The following HNF1B variants were observed in gnomAD, a reference collection of about 807,000 sequenced individuals.
The protein encoded by HNF1B is HNF1 homeobox B.
In HNF1B, 8 loss-of-function variants were observed where a neutral mutation model predicts 61.7. That is an observed-to-expected ratio of 0.13 (90% CI 0.08 to 0.23). HNF1B has a LOEUF of 0.23. Ranked by LOEUF, HNF1B falls within the 10% of genes least tolerant of loss-of-function variation. HNF1B has a pLI of 1.00. For synonymous variants in HNF1B, 314 were observed against 287.7 expected (o/e 1.09, Z -0.93); for missense variants, 562 against 714.5 (o/e 0.79, Z 2.43).
At position 37,714,113 on chromosome 17, in the gene HNF1B, CCTTA is replaced by C. The variant is rs1336125086; in HGVS notation, c.1046-3454_1046-3451del. Among the ~76,000 whole-genome samples the C allele has an allele frequency of 3.3e-5, 5 of 152,286 alleles. No homozygotes were observed. In the East Asian group the frequency reaches 9.6e-4, roughly 29 times the overall value. On this transcript the variant is annotated intron_variant, in intron 4 of 8. Coordinates refer to ENST00000617811, the MANE Select transcript of HNF1B (RefSeq NM_000458.4). Reference sequence around the variant, plus strand: ...TACTTAACCTCCCTGAGCTTCAGTTCCTTACTGTTAACAATATCCATCTGTCAGG... The same window carrying C: ...TACTTAACCTCCCTGAGCTTCAGTTCCTGTTAACAATATCCATCTGTCAGG...
At chr17:37,727,993 T>G (rs2033558716) in intron 4 of HNF1B, among the ~76,000 whole-genome samples, 1 of 151,956 alleles carries the variant, frequency 6.6e-6, no homozygotes, top group Non-Finnish European at 1.5e-5. Flanking sequence ...GGAGTTTTTT[T>G]TGTTGTTTTT....
At chr17:37,701,202 A>G in intron 6 of HNF1B, 25 bp from the exon 7 acceptor site, 1 of 1,546,548 alleles carries the variant, frequency 6.5e-7, no homozygotes, top group Non-Finnish European at 8.7e-7. Flanking sequence ...GGAAAAGATC[A>G]CAGACAGCTC....
chr17:37,695,265 G>C (rs974607262), intron 8 of HNF1B, among the ~76,000 whole-genome samples: 3 of 152,230 alleles, frequency 2.0e-5, no homozygotes, highest in Non-Finnish European at 2.9e-5. Flanking sequence ...AGAGGGTGCA[G>C]TCTGTAAGCT....
chr17:37,742,612 G>A (rs1018518872), intron 1 of HNF1B, among the ~76,000 whole-genome samples: 1 of 152,128 alleles, frequency 6.6e-6, no homozygotes, highest in Non-Finnish European at 1.5e-5. Context: ...AAAGCCTCCA[G>A]GTCTGTCCCG....
intron 4 of HNF1B, among the ~76,000 whole-genome samples, chr17:37,720,381 C>CT (rs2033270134): frequency 6.6e-6 from 1 of 152,074 alleles, no homozygotes; most frequent in Admixed American, 6.5e-5. Flanking sequence ...ATGATACGTT[C>CT]TTTGAAAACT....
At chr17:37,718,914 T>C (rs2033213683) in intron 4 of HNF1B, among the ~76,000 whole-genome samples, 1 of 152,192 alleles carries the variant, frequency 6.6e-6, no homozygotes, top group Admixed American at 6.5e-5. Context: ...CTGGAGTATG[T>C]CCATTTATCC....
chr17:37,710,474 C>G (rs776407508), intron 5 of HNF1B, 29 bp downstream of exon 5: 4 of 1,613,740 alleles, frequency 2.5e-6, no homozygotes. Flanking sequence ...TTATCAGCTC[C>G]AGAGCGACAA....
In HNF1B at chr17:37,739,418, G is replaced by C. The variant is rs371632689; in HGVS notation, c.544+22C>G. 153 of 1,611,628 alleles carry C rather than the reference G, an allele frequency of 9.5e-5. No individual in the cohort carries two copies. In the African/African-American group the frequency reaches 1.7e-3, roughly 18 times the overall value. Reference sequence around the variant, plus strand: ...GCAAAGGTCACTTCAGGTTGAGGCAGAGGCAGGATGAAAACACTTACGTCG... The same window carrying C: ...GCAAAGGTCACTTCAGGTTGAGGCACAGGCAGGATGAAAACACTTACGTCG... On this transcript the variant is annotated intron_variant, in intron 2 of 8. Coordinates refer to ENST00000617811, the MANE Select transcript of HNF1B (RefSeq NM_000458.4).
rs2032896609 is a variant in HNF1B, at chr17:37,710,504, A to C, written c.1205T>G (p.Met402Arg). 6.2e-7 allele frequency: 1 copy of C among 1,614,026 alleles called. No individual in the cohort carries two copies. The highest frequency in any genetic ancestry group is 8.5e-7 in the Non-Finnish European group (1 of 1,180,008). ...CGACAATGGCCCAGGTGTACTCACC[A>C]TTTTACCATCAGGTGAGAGGAGATT... ...GHNLLSPDGKMISVSGGGLPP... is the reference protein window; with the variant it reads ...GHNLLSPDGKRISVSGGGLPP... Residue 402 changes from methionine (M) to arginine (R), a missense_variant and splice_region_variant, in exon 5 of 9, where the codon ATG (methionine) becomes AGG (arginine). Transcript: ENST00000617811.
intron 4 of HNF1B, among the ~76,000 whole-genome samples, chr17:37,723,770 C>T (rs1407751160): frequency 6.6e-6 from 1 of 152,144 alleles, no homozygotes; most frequent in Non-Finnish European, 1.5e-5. Flanking sequence ...AAACAACCCC[C>T]AAGTCTCTGC....
intron 8 of HNF1B, among the ~76,000 whole-genome samples, chr17:37,688,461 A>AT (rs1484055965): frequency 3.3e-5 from 5 of 151,266 alleles, no homozygotes; most frequent in African/African-American, 1.2e-4. Context: ...CTGTTATCGC[A>AT]TTGATCAGTG....
At chr17:37,724,914 GT>G (rs2033443569) in intron 4 of HNF1B, among the ~76,000 whole-genome samples, 1 of 132,612 alleles carries the variant, frequency 7.5e-6, no homozygotes, top group Non-Finnish European at 1.6e-5. Flanking sequence ...GTGTGTGTGT[GT>G]GTGTGTGTGT....
At chr17:37,695,447 G>A (rs2032352425) in intron 8 of HNF1B, among the ~76,000 whole-genome samples, 1 of 152,272 alleles carries the variant, frequency 6.6e-6, no homozygotes, top group South Asian at 2.1e-4. Context: ...GGGCAGTGCT[G>A]AGGGGAAATG....
chr17:37,742,917 C>T (rs943737817), intron 1 of HNF1B, among the ~76,000 whole-genome samples: 2 of 151,688 alleles, frequency 1.3e-5, no homozygotes, highest in Admixed American at 6.6e-5. Flanking sequence ...TGATCTCCTT[C>T]CCCCCTCTAA....
intron 4 of HNF1B, among the ~76,000 whole-genome samples, chr17:37,727,003 C>A (rs2033521539): frequency 6.6e-6 from 1 of 152,118 alleles, no homozygotes; most frequent in Non-Finnish European, 1.5e-5. Context: ...GAGCTTGCTG[C>A]CGACTAGAGC....
intron 4 of HNF1B, among the ~76,000 whole-genome samples, chr17:37,725,895 C>G (rs918432384): frequency 6.6e-6 from 1 of 152,240 alleles, no homozygotes; most frequent in Non-Finnish European, 1.5e-5. Flanking sequence ...GTGCCGACTG[C>G]AAGGGCAGTT....
intron 2 of HNF1B, 56 bp from the exon 3 acceptor site, chr17:37,733,877 G>C (rs2033761174): frequency 6.6e-7 from 1 of 1,510,538 alleles, no homozygotes; most frequent in Admixed American, 1.7e-5. Flanking sequence ...TCAGCAGACA[G>C]ACAGACAGAC....
At chr17:37,704,330 A>G (rs1403235581) in intron 6 of HNF1B, among the ~76,000 whole-genome samples, 19 of 152,100 alleles carry the variant, frequency 1.2e-4, no homozygotes, top group Admixed American at 1.2e-3. Flanking sequence ...TTTCTCCTTA[A>G]AGTTTTCAAA....
chr17:37,696,593 C>T lies in HNF1B; in HGVS notation c.1653+2483G>A, dbSNP rs2032393694. ...GGTCTTCAGCAGAGGCAGATGCTGG[C>T]ATCATGCTTCCTGTGCAGCCTGCAG... On this transcript the variant is annotated intron_variant, in intron 8 of 8. Transcript: ENST00000617811. 2.6e-5 allele frequency among the ~76,000 whole-genome samples: 4 copies of T among 152,366 alleles called. No individual in the cohort carries two copies. In the South Asian group the frequency reaches 8.3e-4, roughly 32 times the overall value.
Sources: gnomAD v4.1 joint callset for allele counts (sites outside exome capture counted in the v4.1 genomes callset) on GRCh38, gnomAD v4.1.1 for gene constraint, MANE v1.5 for transcripts, NCBI Gene and HGNC (gene_info 2026-07-23, HGNC 2026-07-21) for gene names.